FAM20C: variants seen among roughly 807,000 people sequenced by gnomAD.
FAM20C encodes extracellular serine/threonine protein kinase FAM20C.
A neutral mutation model predicts 51.5 loss-of-function variants in FAM20C; 40 were observed. The observed-to-expected ratio is 0.78, with a 90% CI of 0.60 to 1.01. The LOEUF is 1.01. Among genes scored for constraint, FAM20C ranks in the 50% least tolerant of loss-of-function variants. The pLI is 0.00. For missense variants in FAM20C, 861 were observed against 844.7 expected (o/e 1.02, Z -0.24); for synonymous variants, 406 against 380.6 (o/e 1.07, Z -0.78).
intron 3 of FAM20C, among the ~76,000 whole-genome samples, chr7:216,800 C>G (rs538627693): frequency 6.6e-6 from 1 of 152,030 alleles, no homozygotes; most frequent in African/African-American, 2.4e-5. Flanking sequence ...AGCCAAGACA[C>G]ATGAACAGAG....
chr7:247,343 G>C (rs968701308), intron 4 of FAM20C, among the ~76,000 whole-genome samples: 1 of 152,182 alleles, frequency 6.6e-6, no homozygotes, highest in Non-Finnish European at 1.5e-5. Flanking sequence ...CCTTGCCCTG[G>C]TGCAGTGGAG....
intron 2 of FAM20C, among the ~76,000 whole-genome samples, chr7:204,972 T>C (rs917841912): frequency 6.6e-6 from 1 of 152,248 alleles, no homozygotes; most frequent in Admixed American, 6.5e-5. Flanking sequence ...CCCACGCCAC[T>C]GCTGTCCTGA....
intron 3 of FAM20C, among the ~76,000 whole-genome samples, chr7:233,400 G>C (rs899943619): frequency 6.6e-6 from 1 of 152,290 alleles, no homozygotes; most frequent in South Asian, 2.1e-4. Flanking sequence ...CCCTGCCTTC[G>C]TGTGGCTGGG....
intron 3 of FAM20C, 98 bp downstream of exon 3, chr7:209,074 G>C (rs1002324408): frequency 8.1e-7 from 1 of 1,234,730 alleles, no homozygotes; most frequent in East Asian, 2.5e-5. Context: ...TCCTCCCAGG[G>C]TGTTTTGGGG....
At position 208,787 on chromosome 7, in the gene FAM20C, C is replaced by A. The variant is rs1435493898; in HGVS notation, c.785-111C>A. On this transcript the variant is annotated intron_variant, in intron 2 of 9. Transcript: ENST00000313766. ...CAAACTTCCCAGGCAGAGTGGGACC[C>A]CTGGACCATGCCCAGAGGACCCGGA... The A allele has an allele frequency of 4.6e-6, 5 of 1,085,952 alleles. No homozygotes were observed. In the South Asian group the frequency reaches 6.1e-5, roughly 13 times the overall value. The allele number at this position is 1,085,952 out of a possible 1,614,324, so 67.3% of individuals were successfully genotyped here.
At chr7:208,675 C>T (rs1011017223) in intron 2 of FAM20C, among the ~76,000 whole-genome samples, 3 of 151,246 alleles carry the variant, frequency 2.0e-5, no homozygotes, top group Admixed American at 2.0e-4. Flanking sequence ...GGTCTGTGGT[C>T]AGCATGGAGA....
chr7:244,626 C>T (rs1788076784), intron 3 of FAM20C, among the ~76,000 whole-genome samples: 1 of 152,244 alleles, frequency 6.6e-6, no homozygotes. Context: ...GCACCCCAAC[C>T]CTCCTTTGCT....
chr7:250,474 C>G (rs908748851), intron 5 of FAM20C, among the ~76,000 whole-genome samples: 1 of 152,180 alleles, frequency 6.6e-6, no homozygotes, highest in Non-Finnish European at 1.5e-5. Context: ...GAGGGCTCCC[C>G]GGTCAGCTGT....
chr7:233,980 G>A (rs1383502540), intron 3 of FAM20C, among the ~76,000 whole-genome samples: 1 of 152,198 alleles, frequency 6.6e-6, no homozygotes, highest in Non-Finnish European at 1.5e-5. Flanking sequence ...CGGTGTTGGG[G>A]GCTGCAGGCA....
intron 2 of FAM20C, among the ~76,000 whole-genome samples, chr7:207,109 C>G (rs28398018): frequency 9.0e-4 from 13 of 14,446 alleles, no homozygotes; most frequent in African/African-American, 2.5e-3. Context: ...CCCTCGGCCC[C>G]GCACACGTGT....
At chr7:252,394 T>C (rs868331290) in intron 5 of FAM20C, among the ~76,000 whole-genome samples, 3,142 of 25,904 alleles carry the variant, frequency 0.12, no homozygotes, top group Middle Eastern at 0.23. Context: ...CCCTCGGCCT[T>C]CCGACCAAGG....
At chr7:211,702 GGGGCC>G (rs1448658315) in intron 3 of FAM20C, among the ~76,000 whole-genome samples, 4 of 152,214 alleles carry the variant, frequency 2.6e-5, no homozygotes, top group African/African-American at 9.7e-5. Context: ...CGGGGAGGTG[GGGGCC>G]GGGTTACAGC....
intron 4 of FAM20C, 24 bp from the exon 5 acceptor site, chr7:248,291 C>T (rs772843483): frequency 3.3e-6 from 5 of 1,513,618 alleles, no homozygotes; most frequent in Middle Eastern, 1.7e-4. Context: ...GAGCACAGAC[C>T]ATTCCCCGCC....
intron 3 of FAM20C, among the ~76,000 whole-genome samples, chr7:243,935 A>ATTATT (rs1562390928): frequency 1.7e-5 from 2 of 118,244 alleles, no homozygotes; most frequent in African/African-American, 6.1e-5. Flanking sequence ...TAATAATAAT[A>ATTATT]ATAATAATAA....
intron 3 of FAM20C, among the ~76,000 whole-genome samples, chr7:222,979 G>T (rs1367904799): frequency 6.6e-6 from 1 of 152,000 alleles, no homozygotes; most frequent in African/African-American, 2.4e-5. Context: ...TTGTCATGCA[G>T]GTGCTGTGTG....
At chr7:214,718 A>G (rs981671282) in intron 3 of FAM20C, among the ~76,000 whole-genome samples, 3 of 152,192 alleles carry the variant, frequency 2.0e-5, no homozygotes, top group Non-Finnish European at 4.4e-5. Context: ...GACCTGGCCT[A>G]GGAGACCCGG....
chr7:246,293 C>A, intron 3 of FAM20C, 122 bp from the exon 4 acceptor site: 1 of 824,946 alleles, frequency 1.2e-6, no homozygotes, highest in Non-Finnish European at 2.0e-6. Flanking sequence ...TCAGGGTGGC[C>A]CTGAGGAGGC....
intron 3 of FAM20C, among the ~76,000 whole-genome samples, chr7:237,839 T>G (rs1416551340): frequency 0.027 from 8 of 294 alleles, no homozygotes; most frequent in African/African-American, 0.09. Flanking sequence ...ATAGTGATAG[T>G]GATGATGNNN....
At chr7:211,090 G>A (rs1459751113) in intron 3 of FAM20C, among the ~76,000 whole-genome samples, 16 of 151,624 alleles carry the variant, frequency 1.1e-4, no homozygotes, top group Admixed American at 8.5e-4. Context: ...CCCAGGGTGC[G>A]CGACCTACCC....
Sources: allele counts gnomAD v4.1 joint callset (sites outside exome capture counted in the v4.1 genomes callset), GRCh38; gene constraint gnomAD v4.1.1; transcripts MANE v1.5; gene names NCBI Gene and HGNC (gene_info 2026-07-23, HGNC 2026-07-21).